The following FER variants were observed in gnomAD, a reference collection of about 807,000 sequenced individuals.
FER encodes the protein tyrosine-protein kinase Fer.
In FER, 63 loss-of-function variants were observed where a neutral mutation model predicts 111.0. That is an observed-to-expected ratio of 0.57 (90% CI 0.46 to 0.70). The LOEUF is 0.70. Among genes scored for constraint, FER ranks in the 30% least tolerant of loss-of-function variants. FER has a pLI of 0.00. For missense variants in FER, 914 were observed against 954.0 expected (o/e 0.96, Z 0.55); for synonymous variants, 327 against 313.9 (o/e 1.04, Z -0.44).
chr5:108,924,509 G>A, intron 10 of FER: 3 of 902,044 alleles, frequency 3.3e-6, no homozygotes, highest in Non-Finnish European at 4.3e-6. Context: ...GAACTGACTA[G>A]TATACTTCCA....
At chr5:109,130,318 T>A (rs1196919094) in intron 17 of FER, among the ~76,000 whole-genome samples, 1 of 152,088 alleles carries the variant, frequency 6.6e-6, no homozygotes, top group African/African-American at 2.4e-5. Context: ...AGTTTTCCCC[T>A]GAGAAGGCTT....
chr5:108,920,924 C>T (rs1222236897), intron 10 of FER, among the ~76,000 whole-genome samples: 1 of 152,156 alleles, frequency 6.6e-6, no homozygotes, highest in Non-Finnish European at 1.5e-5. Context: ...TCCTACCAGT[C>T]CTCATCCATC....
chr5:108,763,576 T>G (rs1751995062), intron 1 of FER, among the ~76,000 whole-genome samples: 1 of 152,222 alleles, frequency 6.6e-6, no homozygotes, highest in Non-Finnish European at 1.5e-5. Context: ...TTTAGGTTTC[T>G]TACCCTAGAA....
chr5:108,841,587 C>G (rs914833582), intron 5 of FER, among the ~76,000 whole-genome samples: 2 of 152,146 alleles, frequency 1.3e-5, no homozygotes, highest in African/African-American at 4.8e-5. Context: ...CTCCCTTTGA[C>G]TATCATCAAT....
intron 17 of FER, among the ~76,000 whole-genome samples, chr5:109,148,895 C>A (rs1270714386): frequency 6.6e-6 from 1 of 151,984 alleles, no homozygotes; most frequent in African/African-American, 2.4e-5. Context: ...TTAGAAAGAT[C>A]ATCAAATAAA....
chr5:109,159,197 A>G (rs1420676000), intron 17 of FER, among the ~76,000 whole-genome samples: 3 of 152,148 alleles, frequency 2.0e-5, no homozygotes, highest in Non-Finnish European at 4.4e-5. Context: ...GTGCTTTTAC[A>G]GTAAGAAAAC....
intron 10 of FER, among the ~76,000 whole-genome samples, chr5:108,944,014 A>G (rs967930682): frequency 6.6e-6 from 1 of 152,106 alleles, no homozygotes; most frequent in Non-Finnish European, 1.5e-5. Context: ...AATTACAGGC[A>G]TGAACCACCA....
intron 13 of FER, among the ~76,000 whole-genome samples, chr5:108,978,530 C>G (rs755167163): frequency 3.3e-5 from 5 of 152,300 alleles, no homozygotes; most frequent in Non-Finnish European, 5.9e-5. Flanking sequence ...TGCTTGCATA[C>G]AATTCACAAG....
intron 17 of FER, among the ~76,000 whole-genome samples, chr5:109,121,205 A>G (rs1750924137): frequency 6.6e-6 from 1 of 152,102 alleles, no homozygotes; most frequent in Non-Finnish European, 1.5e-5. Context: ...GTTTTTCCCC[A>G]TTCAGTATTA....
At chr5:108,784,470 A>G (rs1754451566) in intron 2 of FER, 1 of 153,706 alleles carries the variant, frequency 6.5e-6, no homozygotes, top group South Asian at 2.0e-4. Context: ...GGATCATGAG[A>G]TAAAACCTCA....
intron 16 of FER, among the ~76,000 whole-genome samples, chr5:109,060,616 G>A (rs964361578): frequency 2.0e-5 from 3 of 152,092 alleles, no homozygotes; most frequent in East Asian, 1.9e-4. Flanking sequence ...CCCGGGAGGC[G>A]GAGGTTGCAG....
intron 10 of FER, among the ~76,000 whole-genome samples, chr5:108,905,966 G>A (rs534292198): frequency 1.6e-4 from 24 of 152,274 alleles, no homozygotes; most frequent in African/African-American, 4.8e-4. Flanking sequence ...ACTAATGAGT[G>A]GTTGTGATAG....
chr5:109,075,173 C>A (rs537278259), intron 16 of FER, among the ~76,000 whole-genome samples: 1 of 151,890 alleles, frequency 6.6e-6, no homozygotes, highest in South Asian at 2.1e-4. Flanking sequence ...TTTTCTTGTT[C>A]TTTTTTAAAG....
chr5:109,054,685 G>A (rs554831215), intron 16 of FER, among the ~76,000 whole-genome samples: 2 of 148,764 alleles, frequency 1.3e-5, no homozygotes, highest in African/African-American at 4.9e-5. Context: ...GGTCCTAAAA[G>A]TTGTTTCTTA....
At chr5:108,927,150 A>G (rs1056349257) in intron 10 of FER, among the ~76,000 whole-genome samples, 4 of 151,826 alleles carry the variant, frequency 2.6e-5, no homozygotes, top group Non-Finnish European at 1.5e-5. Flanking sequence ...AAGAATTTTT[A>G]AATTTGGCCT....
intron 13 of FER, among the ~76,000 whole-genome samples, chr5:109,020,870 G>A (rs1193800491): frequency 1.3e-5 from 2 of 151,846 alleles, no homozygotes; most frequent in African/African-American, 4.8e-5. Flanking sequence ...TATCTCAATC[G>A]TTTTGAAATT....
At chr5:108,873,843 A>ATC (rs1045430817) in intron 8 of FER, among the ~76,000 whole-genome samples, 26 of 152,312 alleles carry the variant, frequency 1.7e-4, no homozygotes, top group African/African-American at 5.8e-4. Context: ...ACAAAGAATT[A>ATC]TCTGGTGAAA....
chr5:109,150,461 C>A (rs1323981631), intron 17 of FER, among the ~76,000 whole-genome samples: 1 of 152,140 alleles, frequency 6.6e-6, no homozygotes, highest in African/African-American at 2.4e-5. Flanking sequence ...TTTTATTACT[C>A]TCTCATAGCA....
At chr5:109,185,324 G>A (rs1758739275) in intron 18 of FER, among the ~76,000 whole-genome samples, 1 of 152,124 alleles carries the variant, frequency 6.6e-6, no homozygotes. Flanking sequence ...AATTTCCACT[G>A]TTTAAAACAC....
Sources: allele counts gnomAD v4.1 joint callset (sites outside exome capture counted in the v4.1 genomes callset), GRCh38; gene constraint gnomAD v4.1.1; transcripts MANE v1.5; gene names NCBI Gene and HGNC (gene_info 2026-07-23, HGNC 2026-07-21).